The following CACNB2 variants were observed in gnomAD, a reference collection of about 807,000 sequenced individuals.
CACNB2 encodes voltage-dependent L-type calcium channel subunit beta-2.
Under a neutral mutation model 73.3 loss-of-function variants are expected in CACNB2, and 42 were observed. The observed-to-expected ratio is 0.57, with a 90% CI of 0.45 to 0.74. CACNB2 has a LOEUF of 0.74. CACNB2 is among the 30% of genes least tolerant of loss of function. CACNB2 has a pLI of 0.00. For synonymous variants in CACNB2, 348 were observed against 310.3 expected (o/e 1.12, Z -1.28); for missense variants, 940 against 853.0 (o/e 1.10, Z -1.27).
chr10:18,205,761 G>A (rs1414706472), intron 2 of CACNB2, among the ~76,000 whole-genome samples: 2 of 152,096 alleles, frequency 1.3e-5, no homozygotes, highest in African/African-American at 4.8e-5. Flanking sequence ...AGAGGGTAGT[G>A]TTTCAATGTT....
At chr10:18,430,736 A>G (rs1240078194) in intron 3 of CACNB2, among the ~76,000 whole-genome samples, 1 of 152,244 alleles carries the variant, frequency 6.6e-6, no homozygotes, top group Non-Finnish European at 1.5e-5. Flanking sequence ...TTGCTCTGAT[A>G]CATTCCTAAA....
intron 2 of CACNB2, among the ~76,000 whole-genome samples, chr10:18,283,265 T>C (rs1009982306): frequency 2.6e-5 from 4 of 152,202 alleles, no homozygotes; most frequent in African/African-American, 9.7e-5. Flanking sequence ...AGTGTGGTGA[T>C]TCCTCAGGGA....
rs955450504 is a variant in CACNB2 at position 18,540,385 on chromosome 10, T to G, written c.*661T>G. 6.6e-6 allele frequency: 1 copy of G among 152,386 alleles called. No individual in the cohort carries two copies. Among genetic ancestry groups the G allele is most frequent in the Admixed American group, 6.6e-5 (1 of 15,256 alleles). 9.4% of individuals were successfully genotyped at this position (152,386 alleles called of 1,614,324 possible). On this transcript the variant is annotated 3_prime_UTR_variant, in exon 14 of 14. Transcript: ENST00000324631. The stretch of plus-strand genomic sequence containing the variant: ...ACTATTTTAGAGTCTTAATGCCAAG[T>G]CAGCAGATTTGCTTTATGAATTACA...
At chr10:18,246,468 G>A (rs962881478) in intron 2 of CACNB2, among the ~76,000 whole-genome samples, 1 of 152,102 alleles carries the variant, frequency 6.6e-6, no homozygotes, top group Non-Finnish European at 1.5e-5. Context: ...GGTAAAGATA[G>A]GCTCTGTGTA....
intron 2 of CACNB2, among the ~76,000 whole-genome samples, chr10:18,193,746 A>G (rs984279390): frequency 3.9e-5 from 6 of 152,160 alleles, no homozygotes; most frequent in Non-Finnish European, 7.3e-5. Flanking sequence ...CTGGACAAAC[A>G]GATAAACTCC....
intron 2 of CACNB2, among the ~76,000 whole-genome samples, chr10:18,362,493 A>G (rs1211930518): frequency 6.6e-6 from 1 of 151,954 alleles, no homozygotes; most frequent in African/African-American, 2.4e-5. Context: ...TATTTTTGTC[A>G]TTTTAGAGAA....
chr10:18,186,165 A>T (rs1370315734), intron 2 of CACNB2, among the ~76,000 whole-genome samples: 1 of 152,156 alleles, frequency 6.6e-6, no homozygotes, highest in African/African-American at 2.4e-5. Flanking sequence ...CACACCTGTA[A>T]TCCCAGCACT....
chr10:18,379,339 A>G (rs2042922471), intron 2 of CACNB2, among the ~76,000 whole-genome samples: 1 of 152,010 alleles, frequency 6.6e-6, no homozygotes, highest in African/African-American at 2.4e-5. Flanking sequence ...CAGGCTCCCT[A>G]GTAGCTAGGA....
intron 2 of CACNB2, among the ~76,000 whole-genome samples, chr10:18,307,413 G>C (rs2039776576): frequency 1.3e-5 from 2 of 152,212 alleles, no homozygotes; most frequent in African/African-American, 2.4e-5. Context: ...GGCGAGCCGA[G>C]ATTGCACCAC....
chr10:18,178,171 G>A (rs1013018117), intron 2 of CACNB2, among the ~76,000 whole-genome samples: 21 of 152,162 alleles, frequency 1.4e-4, no homozygotes, highest in Non-Finnish European at 4.4e-5. Flanking sequence ...ACTGGAGTAT[G>A]ATGCGACTTT....
intron 3 of CACNB2, among the ~76,000 whole-genome samples, chr10:18,413,234 A>C (rs2044738309): frequency 6.6e-6 from 1 of 152,196 alleles, no homozygotes; most frequent in African/African-American, 2.4e-5. Context: ...AACCTCCCAA[A>C]GTGCTGGGAT....
In CACNB2 at chr10:18,347,436, C is replaced by T. The variant is rs146628941; in HGVS notation, c.214-54488C>T. ...GAACTCCTGAGCTCAGGCAATCCGC[C>T]CACCTTGGCCTCTCAAAGTGCTGGG... On this transcript the variant is annotated intron_variant, in intron 2 of 13. Transcript: ENST00000324631. Among the ~76,000 whole-genome samples the T allele has an allele frequency of 2.7e-3, 401 of 150,886 alleles. 1 individual carries two copies. The highest frequency in any genetic ancestry group is 0.01 in the Middle Eastern group (3 of 292).
At chr10:18,260,758 G>A (rs1220888388) in intron 2 of CACNB2, 2 of 998,650 alleles carry the variant, frequency 2.0e-6, no homozygotes, top group African/African-American at 3.5e-5. Context: ...GAGCAGCCGC[G>A]GGAGCAGGAA....
At chr10:18,296,449 G>A (rs909673972) in intron 2 of CACNB2, among the ~76,000 whole-genome samples, 2 of 152,074 alleles carry the variant, frequency 1.3e-5, no homozygotes, top group Admixed American at 1.3e-4. Context: ...CTCATACGTT[G>A]AGAGAGTATT....
At chr10:18,143,050 C>T (rs1027248869) in intron 1 of CACNB2, among the ~76,000 whole-genome samples, 2 of 152,160 alleles carry the variant, frequency 1.3e-5, no homozygotes, top group Non-Finnish European at 2.9e-5. Flanking sequence ...AGAAGTCTTA[C>T]AGGATAATTT....
intron 3 of CACNB2, among the ~76,000 whole-genome samples, chr10:18,450,629 T>TC (rs1260335785): frequency 2.0e-5 from 3 of 148,312 alleles, no homozygotes; most frequent in African/African-American, 5.0e-5. Context: ...TTTTTTTCTT[T>TC]TTTTTTTTTT....
intron 2 of CACNB2, among the ~76,000 whole-genome samples, chr10:18,272,596 A>G (rs529836630): frequency 1.3e-5 from 2 of 152,276 alleles, no homozygotes; most frequent in South Asian, 4.1e-4. Context: ...GGTGAGAGGT[A>G]ATTGAATCAT....
At chr10:18,330,756 C>T (rs1287129568) in intron 2 of CACNB2, among the ~76,000 whole-genome samples, 4 of 151,904 alleles carry the variant, frequency 2.6e-5, no homozygotes, top group African/African-American at 2.4e-5. Context: ...GCAACCTCTG[C>T]CTCCTGGGTT....
chr10:18,410,675 C>T (rs1380458704), intron 3 of CACNB2, among the ~76,000 whole-genome samples: 1 of 151,894 alleles, frequency 6.6e-6, no homozygotes, highest in South Asian at 2.1e-4. Flanking sequence ...TAGAGGGCTA[C>T]TTATGGGGAA....
Sources: gnomAD v4.1 joint callset for allele counts (sites outside exome capture counted in the v4.1 genomes callset) on GRCh38, gnomAD v4.1.1 for gene constraint, MANE v1.5 for transcripts, NCBI Gene and HGNC (gene_info 2026-07-23, HGNC 2026-07-21) for gene names.